The following HSD17B3 variants were observed in gnomAD, a reference collection of about 807,000 sequenced individuals.
HSD17B3 encodes the protein 17-beta-hydroxysteroid dehydrogenase type 3.
Under a neutral mutation model 41.1 loss-of-function variants are expected in HSD17B3, and 29 were observed. The observed-to-expected ratio is 0.71, with a 90% CI of 0.53 to 0.96. The LOEUF (loss-of-function observed/expected upper bound fraction) is 0.96. Among genes scored for constraint, HSD17B3 ranks in the 40% least tolerant of loss-of-function variants. The pLI, the probability that HSD17B3 is intolerant of heterozygous loss-of-function variation, is 0.00. For synonymous variants in HSD17B3, 126 were observed against 145.6 expected, an observed-to-expected ratio of 0.87 and a Z score of 0.97; for missense variants, 323 against 374.6, an observed-to-expected ratio of 0.86 and a Z score of 1.14.
At chr9:96,249,853 G>A in intron 5 of HSD17B3, 67 bp from the exon 6 acceptor site, 1 of 1,612,508 alleles carries the variant, frequency 6.2e-7, no homozygotes, top group Non-Finnish European at 8.5e-7. Flanking sequence ...AAAGTAGTTG[G>A]TGCTAAAGAA....
At chr9:96,283,788 G>A (rs943908869) in intron 2 of HSD17B3, among the ~76,000 whole-genome samples, 1 of 152,026 alleles carries the variant, frequency 6.6e-6, no homozygotes, top group Non-Finnish European at 1.5e-5. Context: ...GCTCTAACAA[G>A]TGCTCTTAAA....
chr9:96,299,885 G>A (rs1827507024), intron 1 of HSD17B3, among the ~76,000 whole-genome samples: 1 of 152,032 alleles, frequency 6.6e-6, no homozygotes, highest in Non-Finnish European at 1.5e-5. Context: ...TTATCTCCCT[G>A]ATATCTGCCT....
chr9:96,244,740 A>T (rs1836591665), intron 8 of HSD17B3, among the ~76,000 whole-genome samples: 1 of 152,194 alleles, frequency 6.6e-6, no homozygotes, highest in African/African-American at 2.4e-5. Flanking sequence ...ACATATACAT[A>T]TATTAAAATA....
At chr9:96,297,175 T>C (rs1245807859) in intron 2 of HSD17B3, among the ~76,000 whole-genome samples, 1 of 152,052 alleles carries the variant, frequency 6.6e-6, no homozygotes, top group Admixed American at 6.6e-5. Context: ...TTCAAGAATG[T>C]GGTATTTTTT....
intron 10 of HSD17B3, among the ~76,000 whole-genome samples, chr9:96,237,725 TTTCTCTCC>T (rs1209290783): frequency 1.3e-5 from 2 of 152,272 alleles, no homozygotes. Flanking sequence ...TTTCATTTAT[TTTCTCTCC>T]TATTTCACCA....
intron 2 of HSD17B3, among the ~76,000 whole-genome samples, chr9:96,295,819 G>C (rs886367578): frequency 6.6e-6 from 1 of 152,114 alleles, no homozygotes; most frequent in African/African-American, 2.4e-5. Context: ...CATATGAACC[G>C]AATGTTTTGT....
intron 1 of HSD17B3, among the ~76,000 whole-genome samples, chr9:96,300,812 G>A (rs1368938181): frequency 1.3e-5 from 2 of 152,166 alleles, no homozygotes; most frequent in Admixed American, 1.3e-4. Flanking sequence ...ACACCAGCCA[G>A]ACCCAGATTC....
intron 2 of HSD17B3, among the ~76,000 whole-genome samples, chr9:96,263,875 C>T (rs981367594): frequency 1.3e-4 from 20 of 152,172 alleles, no homozygotes; most frequent in African/African-American, 4.3e-4. Context: ...ATAGGAAAAA[C>T]AGTTCAAGGG....
At chr9:96,291,599 C>T (rs1306188102) in intron 2 of HSD17B3, among the ~76,000 whole-genome samples, 25 of 152,180 alleles carry the variant, frequency 1.6e-4, no homozygotes. Context: ...AAAATACTAA[C>T]AACAGATGCC....
intron 2 of HSD17B3, among the ~76,000 whole-genome samples, chr9:96,297,345 T>C (rs796333398): frequency 2.2e-5 from 3 of 137,556 alleles, no homozygotes; most frequent in Admixed American, 7.1e-5. Context: ...TGATTTCTTT[T>C]TTTTTTTTTT....
intron 2 of HSD17B3, among the ~76,000 whole-genome samples, chr9:96,272,200 C>A (rs1826268630): frequency 6.6e-6 from 1 of 150,904 alleles, no homozygotes; most frequent in Non-Finnish European, 1.5e-5. Flanking sequence ...GAAACCCCAT[C>A]TCTACTGAAA....
At chr9:96,276,021 A>G (rs1467129877) in intron 2 of HSD17B3, among the ~76,000 whole-genome samples, 1 of 146,174 alleles carries the variant, frequency 6.8e-6, no homozygotes, top group Non-Finnish European at 1.5e-5. Context: ...TAAGCTGGGC[A>G]TGGAGCATGG....
intron 2 of HSD17B3, among the ~76,000 whole-genome samples, chr9:96,276,380 AT>A (rs1430634902): frequency 6.6e-6 from 1 of 152,288 alleles, no homozygotes; most frequent in Non-Finnish European, 1.5e-5. Context: ...TCTCAATGGC[AT>A]TTTTTATAGA....
At chr9:96,247,630 G>C (rs1380843430) in intron 6 of HSD17B3, among the ~76,000 whole-genome samples, 1 of 152,224 alleles carries the variant, frequency 6.6e-6, no homozygotes, top group Non-Finnish European at 1.5e-5. Flanking sequence ...GGGCGAGATA[G>C]TGTCAGACCG....
intron 2 of HSD17B3, among the ~76,000 whole-genome samples, chr9:96,262,111 T>C (rs1825882312): frequency 6.6e-6 from 1 of 151,708 alleles, no homozygotes; most frequent in Non-Finnish European, 1.5e-5. Context: ...AGAATGGTCA[T>C]GAACAACGCC....
intron 2 of HSD17B3, among the ~76,000 whole-genome samples, chr9:96,285,007 T>C (rs966770805): frequency 2.6e-5 from 4 of 151,938 alleles, no homozygotes; most frequent in African/African-American, 7.2e-5. Context: ...CCTGGCTAAT[T>C]TTTGTATTTT....
In HSD17B3 at chr9:96,252,828, A is replaced by C. The variant is rs546915186; in HGVS notation, c.360T>G (p.Leu120=). The change falls in exon 4 of 11, where the codon CTT becomes CTG. Residue 120 remains leucine (L), a synonymous_variant. Coordinates refer to ENST00000375263, the MANE Select transcript of HSD17B3 (RefSeq NM_000197.2). ...CTAAAATTCCAATTTCTAAGCCTGCAAGTTTTTCTTTAATATGCTCGTAGA... is the reference window on the plus strand; with the variant it reads ...CTAAAATTCCAATTTCTAAGCCTGCCAGTTTTTCTTTAATATGCTCGTAGA... ...DDIYEHIKEK[L]AGLEIGILVN... is the part of the protein sequence containing the mutation. 6.9e-5 allele frequency: 111 copies of C among 1,611,270 alleles called. No homozygotes were observed. In the South Asian group the frequency reaches 1.2e-3, roughly 17 times the overall value.
chr9:96,252,912 T>A lies in HSD17B3; in HGVS notation c.278-2A>T. The A allele has an allele frequency of 6.3e-7, 1 of 1,590,032 alleles. No individual in the cohort carries two copies. The highest frequency in any genetic ancestry group is 1.1e-5 in the South Asian group (1 of 90,580). ...TCACACTCCTCCCTGTAGTCCGCTC[T>A]ACACGAGAGACAACAGTTTTTTTAA... On this transcript the variant is annotated splice_acceptor_variant, in intron 3 of 10. Coordinates refer to ENST00000375263, the MANE Select transcript of HSD17B3 (RefSeq NM_000197.2). LOFTEE classifies it high-confidence loss of function.
intron 2 of HSD17B3, chr9:96,256,095 T>G (rs1564033440): frequency 6.6e-6 from 1 of 152,198 alleles, no homozygotes; most frequent in Non-Finnish European, 1.5e-5. Flanking sequence ...GGATGACATT[T>G]GAATTAGTGA....
Sources: allele counts gnomAD v4.1 joint callset (sites outside exome capture counted in the v4.1 genomes callset), GRCh38; gene constraint gnomAD v4.1.1; transcripts MANE v1.5; gene names NCBI Gene and HGNC (gene_info 2026-07-23, HGNC 2026-07-21).